The following FTCDNL1 variants were observed in gnomAD, a reference collection of about 807,000 sequenced individuals.
FTCDNL1 encodes the protein formiminotransferase N-terminal subdomain-containing protein.
FTCDNL1 carries 11 observed loss-of-function variants against 5.9 expected under a neutral mutation model. The ratio of observed to expected loss-of-function variants is 1.87; its 90% CI spans 1.18 to 3.10. FTCDNL1 has a LOEUF of 3.10. Ranked by LOEUF, FTCDNL1 falls within the 30% of genes most tolerant of loss-of-function variation. FTCDNL1 has a pLI of 0.00. For missense variants in FTCDNL1, 115 were observed against 65.5 expected (o/e 1.76, Z -2.61); for synonymous variants, 58 against 24.8 (o/e 2.34, Z -3.99).
chr2:199,678,987 A>G, the FTCDNL1 span, among the ~76,000 whole-genome samples: 3 of 152,156 alleles, frequency 2.0e-5, no homozygotes, highest in African/African-American at 7.2e-5. Context: ...GATTCTTGAT[A>G]CACACAGTAC....
chr2:199,753,259 A>G, the FTCDNL1 span, among the ~76,000 whole-genome samples: 1 of 152,214 alleles, frequency 6.6e-6, no homozygotes, highest in African/African-American at 2.4e-5. Context: ...GAGAAGCTGA[A>G]AAACAAATAG....
downstream of FTCDNL1, among the ~76,000 whole-genome samples, chr2:199,759,026 T>G (rs760007995): frequency 6.6e-6 from 1 of 152,168 alleles, no homozygotes; most frequent in Non-Finnish European, 1.5e-5. Flanking sequence ...ATATTTGTTT[T>G]TAAAAAAGAA....
chr2:199,753,043 A>G, the FTCDNL1 span, among the ~76,000 whole-genome samples: 2 of 152,164 alleles, frequency 1.3e-5, no homozygotes, highest in Non-Finnish European at 2.9e-5. Flanking sequence ...GCAGTGCTTA[A>G]GCCATGGGCA....
intron 3 of FTCDNL1, among the ~76,000 whole-genome samples, chr2:199,779,436 G>A (rs1196450407): frequency 6.6e-6 from 1 of 152,146 alleles, no homozygotes; most frequent in Non-Finnish European, 1.5e-5. Flanking sequence ...AAGCAAATGG[G>A]GAAACAGAAA....
chr2:199,816,769 G>A (rs1446527487), intron 4 of FTCDNL1, among the ~76,000 whole-genome samples: 1 of 151,964 alleles, frequency 6.6e-6, no homozygotes, highest in African/African-American at 2.4e-5. Flanking sequence ...ATCACAATAC[G>A]GCCCCATTCT....
At chr2:199,804,614 C>T (rs1700629156), downstream of FTCDNL1, among the ~76,000 whole-genome samples, 1 of 152,022 alleles carries the variant, frequency 6.6e-6, no homozygotes, top group Non-Finnish European at 1.5e-5. Flanking sequence ...GCGAATTTGA[C>T]AAGAAGAAGA....
At chr2:199,756,538 T>C (rs917071999), downstream of FTCDNL1, among the ~76,000 whole-genome samples, 1 of 152,196 alleles carries the variant, frequency 6.6e-6, no homozygotes, top group Non-Finnish European at 1.5e-5. Flanking sequence ...AGTCCTATGT[T>C]AACCTGGCCA....
chr2:199,822,626 G>A (rs1701769840), intron 3 of FTCDNL1, among the ~76,000 whole-genome samples: 1 of 152,172 alleles, frequency 6.6e-6, no homozygotes, highest in African/African-American at 2.4e-5. Flanking sequence ...TGTAGCATGT[G>A]ATGCTGTTTG....
chr2:199,797,809 C>T (rs919623721), intron 3 of FTCDNL1, among the ~76,000 whole-genome samples: 2 of 152,096 alleles, frequency 1.3e-5, no homozygotes, highest in African/African-American at 2.4e-5. Context: ...TGAATGAAGC[C>T]GGGAGAGAAA....
At chr2:199,703,121 T>C in the FTCDNL1 span, among the ~76,000 whole-genome samples, 194 of 152,250 alleles carry the variant, frequency 1.3e-3, 1 homozygote, top group African/African-American at 4.5e-3. Flanking sequence ...TAGTTACATA[T>C]GTATACATGT....
At chr2:199,691,634 A>G in the FTCDNL1 span, among the ~76,000 whole-genome samples, 3 of 152,216 alleles carry the variant, frequency 2.0e-5, no homozygotes, top group Non-Finnish European at 4.4e-5. Flanking sequence ...AGAATTTCTC[A>G]AAATTGGAAT....
At chr2:199,791,498 T>C (rs6759644) in intron 3 of FTCDNL1, among the ~76,000 whole-genome samples, 87,589 of 151,918 alleles carry the variant, frequency 0.58, 26,014 homozygotes, top group East Asian at 0.84. Context: ...GGAAAGACAA[T>C]ATCATAAAGC....
chr2:199,798,240 C>T (rs1322245398), intron 3 of FTCDNL1, among the ~76,000 whole-genome samples: 1 of 152,142 alleles, frequency 6.6e-6, no homozygotes, highest in African/African-American at 2.4e-5. Context: ...TGACTCAACA[C>T]CAGGGCTTGG....
At chr2:199,814,546 A>T (rs1034425170) in intron 4 of FTCDNL1, among the ~76,000 whole-genome samples, 1 of 152,182 alleles carries the variant, frequency 6.6e-6, no homozygotes, top group Non-Finnish European at 1.5e-5. Flanking sequence ...TACCTCCCAT[A>T]ATTAAGCCAG....
Position 199,812,564 on chromosome 2 carries a change from A to G in FTCDNL1, c.*141T>C, listed in dbSNP as rs1701096681. The G allele has an allele frequency of 2.2e-6, 1 of 454,560 alleles. No individual in the cohort carries two copies. Among genetic ancestry groups the G allele is most frequent in the African/African-American group, 2.0e-5 (1 of 49,632 alleles). The allele number at this position is 454,560 out of a possible 1,614,324, so 28.2% of individuals were successfully genotyped here. A position where few individuals can be genotyped will look rare whatever the true frequency, so the allele number is the denominator to read the frequency against. ...ATTCCACTTTTTGCTCTAAAATTAG[A>G]AACCTGATGTGAAAGTTTGTTTCTC... On this transcript the variant is annotated 3_prime_UTR_variant, in exon 5 of 5. Transcript: ENST00000420128.
downstream of FTCDNL1, among the ~76,000 whole-genome samples, chr2:199,808,290 A>T (rs1700838398): frequency 6.6e-6 from 1 of 152,250 alleles, no homozygotes; most frequent in Non-Finnish European, 1.5e-5. Context: ...ATGGACTAAG[A>T]CAATGGACTT....
intron 3 of FTCDNL1, among the ~76,000 whole-genome samples, chr2:199,832,117 A>T (rs954834140): frequency 5.9e-5 from 9 of 152,214 alleles, no homozygotes; most frequent in African/African-American, 2.2e-4. Context: ...CCTTGCATAT[A>T]ACATATAGTT....
At chr2:199,800,703 A>G (rs1700401703) in intron 3 of FTCDNL1, among the ~76,000 whole-genome samples, 1 of 152,220 alleles carries the variant, frequency 6.6e-6, no homozygotes, top group African/African-American at 2.4e-5. Flanking sequence ...TCCTTTATTT[A>G]GAATGGTTGA....
chr2:199,761,591 G>A (rs751122614), intron 3 of FTCDNL1, among the ~76,000 whole-genome samples: 1 of 152,116 alleles, frequency 6.6e-6, no homozygotes, highest in Non-Finnish European at 1.5e-5. Flanking sequence ...GCTCAATATT[G>A]CTGGCTGTGC....
Sources: allele counts gnomAD v4.1 joint callset (sites outside exome capture counted in the v4.1 genomes callset), GRCh38; gene constraint gnomAD v4.1.1; transcripts MANE v1.5; gene names NCBI Gene and HGNC (gene_info 2026-07-23, HGNC 2026-07-21).